IPCEF1: variants seen among roughly 807,000 people sequenced by gnomAD.
The protein encoded by IPCEF1 is interaction protein for cytohesin exchange factors 1.
IPCEF1 carries 31 observed loss-of-function variants against 50.9 expected under a neutral mutation model. The observed-to-expected ratio is 0.61, with a 90% CI of 0.46 to 0.82. IPCEF1 has a LOEUF of 0.82. IPCEF1 is among the 40% of genes least tolerant of loss of function. IPCEF1 has a pLI of 0.00. For synonymous variants in IPCEF1, 181 were observed against 192.0 expected (o/e 0.94, Z 0.47); for missense variants, 458 against 514.0 (o/e 0.89, Z 1.05).
chr6:154,307,032 T>C (rs1271719375), intron 1 of IPCEF1, among the ~76,000 whole-genome samples: 1 of 152,058 alleles, frequency 6.6e-6, no homozygotes, highest in Non-Finnish European at 1.5e-5. Flanking sequence ...GAGGCCAGAG[T>C]CTGAGATCAA....
intron 1 of IPCEF1, among the ~76,000 whole-genome samples, chr6:154,330,325 CTTTTTTTTTT>C (rs138406253): frequency 6.7e-5 from 6 of 89,244 alleles, no homozygotes; most frequent in African/African-American, 4.2e-5. Context: ...ATTATAGCCT[CTTTTTTTTTT>C]TTTTTTTTTT....
At chr6:154,243,866 C>T (rs1231843637) in intron 5 of IPCEF1, among the ~76,000 whole-genome samples, 1 of 152,184 alleles carries the variant, frequency 6.6e-6, no homozygotes. Context: ...GTGGAGACAA[C>T]TACTACCTCT....
intron 3 of IPCEF1, among the ~76,000 whole-genome samples, chr6:154,263,212 A>C (rs1431625341): frequency 6.8e-6 from 1 of 146,158 alleles, no homozygotes; most frequent in Non-Finnish European, 1.5e-5. Flanking sequence ...ACTCCCTTTT[A>C]GCATCCTGTA....
At chr6:154,249,563 A>G (rs1436215899) in intron 3 of IPCEF1, among the ~76,000 whole-genome samples, 1 of 152,098 alleles carries the variant, frequency 6.6e-6, no homozygotes, top group Non-Finnish European at 1.5e-5. Context: ...AATGAACAAG[A>G]TGAAATTACA....
At chr6:154,330,204 A>T (rs1453561922) in intron 1 of IPCEF1, 1 of 151,830 alleles carries the variant, frequency 6.6e-6, no homozygotes, top group South Asian at 2.1e-4. Flanking sequence ...TAAAAAAACA[A>T]CACATATAGG....
chr6:154,342,027 T>G (rs1470458515), intron 1 of IPCEF1, among the ~76,000 whole-genome samples: 1 of 152,162 alleles, frequency 6.6e-6, no homozygotes, highest in Non-Finnish European at 1.5e-5. Flanking sequence ...CTTTTCCAAA[T>G]GAATAGCCGT....
chr6:154,226,799 G>A (rs1562553445), intron 5 of IPCEF1, among the ~76,000 whole-genome samples: 1 of 152,050 alleles, frequency 6.6e-6, no homozygotes, highest in African/African-American at 2.4e-5. Context: ...CTCAGCAGAG[G>A]ATGAAAGACC....
At chr6:154,301,015 T>A (rs1404447824) in intron 1 of IPCEF1, among the ~76,000 whole-genome samples, 1 of 152,204 alleles carries the variant, frequency 6.6e-6, no homozygotes, top group Non-Finnish European at 1.5e-5. Flanking sequence ...ATAAAACAAG[T>A]TAACTCGGCC....
rs1562537355 is a variant in IPCEF1 at position 154,199,906 on chromosome 6, G to A, written c.672C>T (p.Asp224=). 1 of 1,614,184 alleles carries A rather than the reference G, an allele frequency of 6.2e-7. No individual in the cohort carries two copies. Among genetic ancestry groups the A allele is most frequent in the East Asian group, 2.2e-5 (1 of 44,876 alleles). Residue 224 remains aspartate, a synonymous_variant, in exon 10 of 12, where the codon GAC becomes GAT. Coordinates refer to ENST00000367220, the MANE Select transcript of IPCEF1 (RefSeq NM_001130700.2). ...CAGCAGCAGACAAACTGTTAACTGT[G>A]TCAGGCAAGGATTGTCTCTCTTTAG... ...SLSKERQSLP[D]TVNSLSAAED...
At chr6:154,354,099 C>T (rs1412863710) in intron 1 of IPCEF1, among the ~76,000 whole-genome samples, 2 of 152,192 alleles carry the variant, frequency 1.3e-5, no homozygotes, top group Non-Finnish European at 2.9e-5. Flanking sequence ...TTTTAACCCT[C>T]ACACAACAAC....
intron 5 of IPCEF1, among the ~76,000 whole-genome samples, chr6:154,224,383 T>C (rs2128619456): frequency 1.3e-5 from 2 of 152,228 alleles, no homozygotes; most frequent in South Asian, 4.1e-4. Flanking sequence ...TTATCTAAAT[T>C]ATTCACCTGA....
chr6:154,242,361 C>T (rs561195414), intron 5 of IPCEF1, among the ~76,000 whole-genome samples: 4 of 152,276 alleles, frequency 2.6e-5, no homozygotes, highest in Non-Finnish European at 5.9e-5. Flanking sequence ...CAAAATCAGT[C>T]CTTACACATG....
At chr6:154,171,159 T>C (rs1010764031) in intron 10 of IPCEF1, among the ~76,000 whole-genome samples, 1 of 152,214 alleles carries the variant, frequency 6.6e-6, no homozygotes, top group African/African-American at 2.4e-5. Flanking sequence ...ACAAAAATTG[T>C]ACATGAATGT....
intron 11 of IPCEF1, among the ~76,000 whole-genome samples, chr6:154,160,681 A>C (rs953805551): frequency 2.6e-5 from 4 of 152,148 alleles, no homozygotes; most frequent in Non-Finnish European, 1.5e-5. Context: ...TGAAATGTCT[A>C]GCTCAGGTTA....
At position 154,209,279 on chromosome 6, in the gene IPCEF1, T is replaced by C. The variant is rs114138052; in HGVS notation, c.537+3491A>G. ...CAAAAACTTGGGGAAAAAAATATTT[T>C]TGCCCCTAGGCTTGTATATCTAAGT... On this transcript the variant is annotated intron_variant, in intron 9 of 11. Transcript: ENST00000367220. 7.0e-3 allele frequency among the ~76,000 whole-genome samples: 1,065 copies of C among 152,372 alleles called. 8 individuals are homozygous for C. Among genetic ancestry groups the C allele is most frequent in the African/African-American group, 0.022 (933 of 41,584 alleles).
chr6:154,212,729 G>A (rs1778065688), intron 9 of IPCEF1, 41 bp downstream of exon 9: 1 of 1,322,922 alleles, frequency 7.6e-7, no homozygotes, highest in African/African-American at 1.4e-5. Context: ...ACATCCACAT[G>A]TCTGATCGAT....
At chr6:154,243,479 C>T (rs558615569) in intron 5 of IPCEF1, among the ~76,000 whole-genome samples, 2 of 152,246 alleles carry the variant, frequency 1.3e-5, no homozygotes, top group South Asian at 4.1e-4. Context: ...GTAGACTATG[C>T]ATTGGGTAAC....
At chr6:154,208,736 T>A (rs1305696786) in intron 9 of IPCEF1, among the ~76,000 whole-genome samples, 1 of 152,254 alleles carries the variant, frequency 6.6e-6, no homozygotes, top group African/African-American at 2.4e-5. Flanking sequence ...TTTATAGCTC[T>A]TAACTCACTT....
intron 10 of IPCEF1, among the ~76,000 whole-genome samples, chr6:154,198,175 C>CA (rs888486732): frequency 1.3e-5 from 2 of 151,754 alleles, no homozygotes; most frequent in African/African-American, 2.4e-5. Flanking sequence ...TTCACAACAT[C>CA]AAAAAAAAGT....
Sources: gnomAD v4.1 joint callset for allele counts (sites outside exome capture counted in the v4.1 genomes callset) on GRCh38, gnomAD v4.1.1 for gene constraint, MANE v1.5 for transcripts, NCBI Gene and HGNC (gene_info 2026-07-23, HGNC 2026-07-21) for gene names.